Variants in ASTN2 observed in about 807,000 individuals in gnomAD.
ASTN2 encodes astrotactin-2.
A neutral mutation model predicts 139.8 loss-of-function variants in ASTN2; 54 were observed. That is an observed-to-expected ratio of 0.39 (90% CI 0.31 to 0.48). ASTN2 has a LOEUF of 0.48. ASTN2 is among the 20% of genes least tolerant of loss of function. The pLI, the probability that ASTN2 is intolerant of heterozygous loss-of-function variation, is 0.95. For synonymous variants in ASTN2, 756 were observed against 719.5 expected (o/e 1.05, Z -0.81); for missense variants, 1,565 against 1,725.1 (o/e 0.91, Z 1.64).
intron 11 of ASTN2, among the ~76,000 whole-genome samples, chr9:116,857,065 A>G (rs1203510019): frequency 1.3e-5 from 2 of 151,930 alleles, no homozygotes; most frequent in Non-Finnish European, 2.9e-5. Flanking sequence ...CATTTTTCTC[A>G]TGTGTGAAGT....
chr9:117,019,016 G>A (rs780073015), intron 6 of ASTN2, among the ~76,000 whole-genome samples: 2 of 151,948 alleles, frequency 1.3e-5, no homozygotes, highest in Non-Finnish European at 2.9e-5. Context: ...TGGCTGCCTC[G>A]CATTCTGCTT....
At chr9:117,016,619 T>TGTTA (rs1564385801) in intron 6 of ASTN2, among the ~76,000 whole-genome samples, 34 of 3,244 alleles carry the variant, frequency 0.01, 4 homozygotes, top group African/African-American at 0.028. Context: ...TCTATATCTA[T>TGTTA]CTATCTATAT....
intron 3 of ASTN2, among the ~76,000 whole-genome samples, chr9:117,162,150 A>G (rs1280907079): frequency 6.6e-6 from 1 of 152,088 alleles, no homozygotes; most frequent in Non-Finnish European, 1.5e-5. Flanking sequence ...TTAGTAAACT[A>G]TTAAACTTTT....
intron 19 of ASTN2, among the ~76,000 whole-genome samples, chr9:116,499,755 C>A (rs1849793111): frequency 6.6e-6 from 1 of 152,078 alleles, no homozygotes; most frequent in Non-Finnish European, 1.5e-5. Context: ...TATGCATCAA[C>A]CTTGGAGTTG....
At chr9:116,620,081 G>A (rs1856056725) in intron 18 of ASTN2, among the ~76,000 whole-genome samples, 1 of 152,034 alleles carries the variant, frequency 6.6e-6, no homozygotes, top group Non-Finnish European at 1.5e-5. Flanking sequence ...TGAACTGAGT[G>A]GCATCATTTA....
chr9:117,256,683 G>C (rs897384930), intron 2 of ASTN2, among the ~76,000 whole-genome samples: 1 of 152,146 alleles, frequency 6.6e-6, no homozygotes, highest in Admixed American at 6.5e-5. Context: ...AGGGAAAGAA[G>C]AAGAAATAAA....
At chr9:116,769,757 G>A (rs1829906441) in intron 13 of ASTN2, among the ~76,000 whole-genome samples, 1 of 152,118 alleles carries the variant, frequency 6.6e-6, no homozygotes, top group South Asian at 2.1e-4. Context: ...TTAAAATAGT[G>A]GATGAAGCTG....
intron 11 of ASTN2, among the ~76,000 whole-genome samples, chr9:116,844,785 C>G (rs1832378126): frequency 6.6e-6 from 1 of 152,054 alleles, no homozygotes; most frequent in South Asian, 2.1e-4. Context: ...GGCTTGAGTT[C>G]CAATGAAATA....
chr9:117,347,296 T>C (rs1397168764), intron 1 of ASTN2, among the ~76,000 whole-genome samples: 1 of 152,060 alleles, frequency 6.6e-6, no homozygotes, highest in Admixed American at 6.6e-5. Context: ...ATAGATACAT[T>C]ATACTGATAG....
intron 2 of ASTN2, among the ~76,000 whole-genome samples, chr9:117,265,842 T>C (rs118011821): frequency 0.026 from 3,878 of 151,984 alleles, 53 homozygotes; most frequent in Non-Finnish European, 0.036. Context: ...AATATTTTAG[T>C]GGATAAGAGG....
intron 1 of ASTN2, among the ~76,000 whole-genome samples, chr9:117,411,189 A>C (rs759520879): frequency 6.6e-6 from 1 of 152,178 alleles, no homozygotes; most frequent in Non-Finnish European, 1.5e-5. Context: ...CACTCCATAT[A>C]TGTTATGTAA....
intron 19 of ASTN2, among the ~76,000 whole-genome samples, chr9:116,614,648 G>C (rs1053657622): frequency 1.2e-4 from 18 of 152,264 alleles, no homozygotes; most frequent in Admixed American, 3.3e-4. Context: ...AATAAATGGT[G>C]CTGGGAAAAC....
At chr9:116,936,364 CACT>C (rs770754523) in intron 10 of ASTN2, among the ~76,000 whole-genome samples, 133 of 151,550 alleles carry the variant, frequency 8.8e-4, no homozygotes, top group Non-Finnish European at 1.4e-3. Flanking sequence ...TCACAGCCAC[CACT>C]ACAACCCCAG....
chr9:117,319,445 T>C (rs1025953570), intron 1 of ASTN2, among the ~76,000 whole-genome samples: 1 of 152,202 alleles, frequency 6.6e-6, no homozygotes, highest in Non-Finnish European at 1.5e-5. Context: ...TTTTCTTTTT[T>C]TGAGACAGCA....
Position 116,536,184 on chromosome 9 carries a change from C to T in ASTN2, c.3356-48684G>A, listed in dbSNP as rs902061367. 1.6e-4 allele frequency among the ~76,000 whole-genome samples: 25 copies of T among 152,022 alleles called. No homozygotes were observed. The South Asian group carries it at 1.7e-3, about 10-fold the overall frequency. ...GCTTGTGCATTCGTCACGTAGTTATCGTGCCATGGTTTTCAGCTCCATCAG... is the reference window on the plus strand; with the variant it reads ...GCTTGTGCATTCGTCACGTAGTTATTGTGCCATGGTTTTCAGCTCCATCAG... On this transcript the variant is annotated intron_variant, in intron 19 of 22. Coordinates refer to ENST00000313400, the MANE Select transcript of ASTN2 (RefSeq NM_001365068.1).
At chr9:117,232,495 T>C (rs1360909662) in intron 2 of ASTN2, among the ~76,000 whole-genome samples, 1 of 152,196 alleles carries the variant, frequency 6.6e-6, no homozygotes, top group East Asian at 1.9e-4. Context: ...GATAACAGAT[T>C]CCCATGTGAG....
intron 3 of ASTN2, among the ~76,000 whole-genome samples, chr9:117,171,187 A>G (rs1443743564): frequency 6.6e-6 from 1 of 152,220 alleles, no homozygotes; most frequent in Non-Finnish European, 1.5e-5. Flanking sequence ...AAGAAAAAAT[A>G]TTACGAGGAA....
intron 10 of ASTN2, among the ~76,000 whole-genome samples, chr9:116,942,040 A>G (rs1475669034): frequency 6.6e-6 from 1 of 151,728 alleles, no homozygotes; most frequent in Non-Finnish European, 1.5e-5. Context: ...TAGAAATTTA[A>G]GAGGGAAAGT....
chr9:116,779,786 T>C (rs1830170905), intron 13 of ASTN2, among the ~76,000 whole-genome samples: 3 of 152,210 alleles, frequency 2.0e-5, no homozygotes, highest in African/African-American at 4.8e-5. Context: ...GCTCCTTCCA[T>C]GTCCACCTGG....
Sources: allele counts gnomAD v4.1 joint callset (sites outside exome capture counted in the v4.1 genomes callset), GRCh38; gene constraint gnomAD v4.1.1; transcripts MANE v1.5; gene names NCBI Gene and HGNC (gene_info 2026-07-23, HGNC 2026-07-21).